Variants in ACTR3C observed in about 807,000 individuals in gnomAD.
ACTR3C encodes the protein actin-related protein 3C.
In ACTR3C, 18 loss-of-function variants were observed where a neutral mutation model predicts 26.3. That is an observed-to-expected ratio of 0.68 (90% CI 0.47 to 1.01). ACTR3C has a LOEUF of 1.01. Ranked by LOEUF, ACTR3C falls within the 50% of genes least tolerant of loss-of-function variation. The pLI is 0.00. For synonymous variants in ACTR3C, 55 were observed against 94.5 expected, an observed-to-expected ratio of 0.58 and a Z score of 2.42; for missense variants, 184 against 250.7, an observed-to-expected ratio of 0.73 and a Z score of 1.80.
chr7:150,280,334 G>A (rs1050343450), intron 6 of ACTR3C, among the ~76,000 whole-genome samples: 5 of 152,088 alleles, frequency 3.3e-5, no homozygotes, highest in African/African-American at 9.7e-5. Flanking sequence ...TCCTGGAGGC[G>A]GAACACATAA....
At position 150,303,992 on chromosome 7, in the gene ACTR3C, T is replaced by C. The variant is rs2531017; in HGVS notation, c.-51-8645A>G. On this transcript the variant is annotated intron_variant, in intron 1 of 7. Transcript: ENST00000683684. ...ACCAACCCATATTTCTGGATAAAGATAGAAAATTGAACACATGTATCTAAT... is the reference window on the plus strand; with the variant it reads ...ACCAACCCATATTTCTGGATAAAGACAGAAAATTGAACACATGTATCTAAT... Among the ~76,000 whole-genome samples the C allele has an allele frequency of 4.5e-4, 68 of 152,336 alleles. 2 individuals carry two copies. The East Asian group carries it at 0.012, about 27-fold the overall frequency.
the ACTR3C span, among the ~76,000 whole-genome samples, chr7:150,035,070 G>A: frequency 3.3e-4 from 45 of 136,640 alleles, 3 homozygotes; most frequent in African/African-American, 4.4e-4. Context: ...ACCTGCCGTC[G>A]GAAGATTTGA....
At chr7:150,145,406 A>G in the ACTR3C span, among the ~76,000 whole-genome samples, 2 of 152,020 alleles carry the variant, frequency 1.3e-5, no homozygotes, top group Non-Finnish European at 2.9e-5. Context: ...GGAGGTGGAA[A>G]AAGAAGCATC....
the ACTR3C span, among the ~76,000 whole-genome samples, chr7:150,092,134 TC>T: frequency 6.8e-6 from 1 of 147,194 alleles, no homozygotes; most frequent in Non-Finnish European, 1.5e-5. Flanking sequence ...AGAAATGTCT[TC>T]TACTTCTACA....
intron 6 of ACTR3C, among the ~76,000 whole-genome samples, chr7:150,253,546 C>T (rs1329120580): frequency 2.6e-5 from 4 of 152,034 alleles, no homozygotes; most frequent in Non-Finnish European, 5.9e-5. Flanking sequence ...TTGCATCATG[C>T]GTCTTTGGTT....
chr7:149,991,262 T>A, the ACTR3C span, among the ~76,000 whole-genome samples: 14 of 152,130 alleles, frequency 9.2e-5, no homozygotes, highest in African/African-American at 3.4e-4. Flanking sequence ...TCCCACTGTG[T>A]CCCTCCCAGG....
the ACTR3C span, among the ~76,000 whole-genome samples, chr7:150,118,869 A>G: frequency 0.45 from 64,537 of 143,502 alleles, 15,092 homozygotes; most frequent in African/African-American, 0.58. Flanking sequence ...AAAGCCCATC[A>G]GACTAACAGC....
downstream of ACTR3C, among the ~76,000 whole-genome samples, chr7:150,243,583 C>T (rs550406978): frequency 2.0e-5 from 3 of 151,484 alleles, no homozygotes; most frequent in African/African-American, 7.3e-5. Flanking sequence ...GTTCCGGGAC[C>T]CTCCTGCAGA....
chr7:150,143,800 C>T, the ACTR3C span, among the ~76,000 whole-genome samples: 39 of 152,356 alleles, frequency 2.6e-4, no homozygotes, highest in African/African-American at 9.1e-4. Flanking sequence ...CTCTTCATCC[C>T]CCCGCTTAGA....
At chr7:150,205,369 C>CA in the ACTR3C span, among the ~76,000 whole-genome samples, 8 of 152,150 alleles carry the variant, frequency 5.3e-5, no homozygotes, top group Admixed American at 1.3e-4. Flanking sequence ...GATGCCTATA[C>CA]AAAGTAGCTC....
the ACTR3C span, among the ~76,000 whole-genome samples, chr7:150,217,884 TAA>T: frequency 1.3e-5 from 2 of 151,560 alleles, no homozygotes; most frequent in African/African-American, 4.9e-5. Context: ...AATAACCATC[TAA>T]AAGAGACAAC....
intron 6 of ACTR3C, among the ~76,000 whole-genome samples, chr7:150,272,071 G>A (rs1359238846): frequency 1.4e-5 from 2 of 146,052 alleles, no homozygotes. Context: ...ATAAATTAGA[G>A]AGCAAACCAC....
chr7:150,177,201 G>T, the ACTR3C span, among the ~76,000 whole-genome samples: 1 of 150,228 alleles, frequency 6.7e-6, no homozygotes, highest in African/African-American at 2.5e-5. Context: ...TATTCATTTT[G>T]TAGTTAACTT....
At chr7:150,076,955 A>G in the ACTR3C span, among the ~76,000 whole-genome samples, 1 of 152,294 alleles carries the variant, frequency 6.6e-6, no homozygotes, top group African/African-American at 2.4e-5. Flanking sequence ...ACCTGAGATC[A>G]GGAGTTCGAG....
the ACTR3C span, among the ~76,000 whole-genome samples, chr7:150,129,984 T>C: frequency 1.3e-5 from 2 of 152,188 alleles, no homozygotes; most frequent in African/African-American, 2.4e-5. Flanking sequence ...GGTAGTCAAA[T>C]AGATCAATGG....
the ACTR3C span, among the ~76,000 whole-genome samples, chr7:150,092,213 C>T: frequency 2.2e-5 from 3 of 138,306 alleles, no homozygotes; most frequent in Non-Finnish European, 4.7e-5. Flanking sequence ...TTTTCTCCTT[C>T]AGTCATTGAA....
chr7:150,010,165 T>C, the ACTR3C span, among the ~76,000 whole-genome samples: 1 of 152,334 alleles, frequency 6.6e-6, no homozygotes, highest in East Asian at 1.9e-4. Flanking sequence ...CACAGCCTCA[T>C]TCGAGCTGTT....
the ACTR3C span, among the ~76,000 whole-genome samples, chr7:149,926,481 T>C: frequency 8.5e-5 from 13 of 152,366 alleles, no homozygotes; most frequent in African/African-American, 3.1e-4. Flanking sequence ...AATTCTGGCA[T>C]GTGCTATGCA....
At chr7:150,094,951 G>A in the ACTR3C span, among the ~76,000 whole-genome samples, 5 of 146,248 alleles carry the variant, frequency 3.4e-5, no homozygotes, top group African/African-American at 1.1e-4. Context: ...CCCTGCTCCA[G>A]CACCCCCAGC....
Sources: gnomAD v4.1 joint callset for allele counts (sites outside exome capture counted in the v4.1 genomes callset) on GRCh38, gnomAD v4.1.1 for gene constraint, MANE v1.5 for transcripts, NCBI Gene and HGNC (gene_info 2026-07-23, HGNC 2026-07-21) for gene names.